Variants in MALRD1 observed in about 807,000 individuals in gnomAD.
The protein encoded by MALRD1 is MAM and LDL receptor class A domain containing 1.
Under a neutral mutation model 242.1 loss-of-function variants are expected in MALRD1, and 247 were observed. The observed-to-expected ratio is 1.02, with a 90% CI of 0.92 to 1.13. The LOEUF (loss-of-function observed/expected upper bound fraction) is 1.13. Among genes scored for constraint, MALRD1 ranks in the 50% most tolerant of loss-of-function variants. The pLI, the probability that MALRD1 is intolerant of heterozygous loss-of-function variation, is 0.00. For synonymous variants in MALRD1, 995 were observed against 866.6 expected, an observed-to-expected ratio of 1.15 and a Z score of -2.60; for missense variants, 2,989 against 2,533.1, an observed-to-expected ratio of 1.18 and a Z score of -3.86.
At chr10:19,277,866 TCTTTC>T (rs1169173465) in intron 19 of MALRD1, among the ~76,000 whole-genome samples, 3 of 152,174 alleles carry the variant, frequency 2.0e-5, no homozygotes, top group African/African-American at 4.8e-5. Flanking sequence ...AGATTTTTGC[TCTTTC>T]CTTTAAACCA....
At chr10:19,478,767 A>G (rs983057531) in intron 29 of MALRD1, among the ~76,000 whole-genome samples, 3 of 152,154 alleles carry the variant, frequency 2.0e-5, no homozygotes, top group Admixed American at 2.0e-4. Context: ...TTACTTTGTT[A>G]GCTGTGTTTA....
Position 19,498,656 on chromosome 10 carries a change from G to C in MALRD1, c.5320+10G>C. On this transcript the variant is annotated intron_variant, in intron 31 of 39. Transcript: ENST00000454679. ...TCTGATCACACGCCAGGTAAATCTA[G>C]TAGCCATCCCCAGACCAAGAAACCC... 1 of 1,545,874 alleles carries C rather than the reference G, an allele frequency of 6.5e-7. No individual in the cohort carries two copies. Among genetic ancestry groups the C allele is most frequent in the East Asian group, 2.5e-5 (1 of 40,782 alleles).
Position 19,088,138 on chromosome 10 carries a change from C to G in MALRD1, c.550C>G (p.Gln184Glu). The G allele has an allele frequency of 8.1e-7, 1 of 1,233,486 alleles. No individual in the cohort carries two copies. The highest frequency in any genetic ancestry group is 1.0e-6 in the Non-Finnish European group (1 of 987,858). The allele number at this position is 1,233,486 out of a possible 1,614,324, so 76.4% of individuals were successfully genotyped here. Residue 184 changes from glutamine to glutamate, a missense_variant, in exon 4 of 40, where the codon CAG becomes GAG. Transcript: ENST00000454679. The part of the protein sequence containing the change: ...LWQNTAALPN[Q>E]WERNVIKIQS... ...GCAAAACACAGCTGCACTCCCAAAT[C>G]AGTGGGAGAGAAATGTCATCAAAAT...
chr10:19,531,104 A>T (rs1834394069), intron 31 of MALRD1, 90 bp from the exon 32 acceptor site: 3 of 1,098,600 alleles, frequency 2.7e-6, no homozygotes, highest in East Asian at 5.3e-5. Context: ...ATGTATAAGG[A>T]TAAAAAGATA....
intron 32 of MALRD1, among the ~76,000 whole-genome samples, chr10:19,558,197 G>C (rs369288803): frequency 6.6e-6 from 1 of 151,994 alleles, no homozygotes; most frequent in Admixed American, 6.6e-5. Context: ...TCTATGAACA[G>C]TTTTATTTCT....
chr10:19,533,326 TA>T (rs1306654553), intron 32 of MALRD1, among the ~76,000 whole-genome samples: 7 of 152,190 alleles, frequency 4.6e-5, no homozygotes, highest in African/African-American at 1.7e-4. Context: ...AGGCAGCAGT[TA>T]AGTATAACGA....
At chr10:19,064,078 G>A (rs1834900691) in intron 1 of MALRD1, among the ~76,000 whole-genome samples, 3 of 152,124 alleles carry the variant, frequency 2.0e-5, no homozygotes, top group African/African-American at 7.2e-5. Flanking sequence ...CAACTCAGGA[G>A]ATAATTGCGG....
In MALRD1 at chr10:19,734,161, C is replaced by G; in HGVS notation, c.6395C>G (p.Ser2132Cys). Residue 2132 changes from serine to cysteine, a missense_variant, in exon 40 of 40, where the codon TCT becomes TGT. By Grantham distance (112) the Ser-to-Cys change is moderately radical. Coordinates refer to ENST00000454679, the MANE Select transcript of MALRD1 (RefSeq NM_001142308.3). ...AAATGTGTTTTTCTTCGTCAGAGTT[C>G]TGTCTATTCCTTCTCAAACCCATTA... ...NWSNPEKTESSVYSFSNPLYG... is the reference protein window; with the variant it reads ...NWSNPEKTESCVYSFSNPLYG... 5 of 1,532,124 alleles carry G rather than the reference C, an allele frequency of 3.3e-6. No homozygotes were observed. Among genetic ancestry groups the G allele is most frequent in the Non-Finnish European group, 4.4e-6 (5 of 1,145,504 alleles). The allele number at this position is 1,532,124 out of a possible 1,614,324, so 94.9% of individuals were successfully genotyped here.
intron 1 of MALRD1, among the ~76,000 whole-genome samples, chr10:19,064,597 GAAAAAATGT>G (rs1484882451): frequency 6.6e-6 from 1 of 151,062 alleles, no homozygotes; most frequent in Non-Finnish European, 1.5e-5. Context: ...CTATTTAGAT[GAAAAAATGT>G]TTTATTTAGC....
chr10:19,608,709 A>G, intron 35 of MALRD1, among the ~76,000 whole-genome samples: 1 of 152,230 alleles, frequency 6.6e-6, no homozygotes, highest in South Asian at 2.1e-4. Flanking sequence ...TATGAGATAT[A>G]TGTTGTAAGA....
At chr10:19,450,686 T>C (rs1349627689) in intron 29 of MALRD1, among the ~76,000 whole-genome samples, 196 bp downstream of exon 29, 2 of 152,226 alleles carry the variant, frequency 1.3e-5, no homozygotes, top group African/African-American at 2.4e-5. Flanking sequence ...TTTGGGCTGC[T>C]GTTACAAAAT....
intron 29 of MALRD1, among the ~76,000 whole-genome samples, chr10:19,463,766 C>T (rs1246628025): frequency 1.3e-5 from 2 of 152,078 alleles, no homozygotes; most frequent in Non-Finnish European, 2.9e-5. Context: ...GGTATTTCTA[C>T]TCTTGGTTCT....
intron 21 of MALRD1, among the ~76,000 whole-genome samples, chr10:19,298,251 A>T (rs144272237): frequency 4.5e-4 from 69 of 151,832 alleles, no homozygotes; most frequent in African/African-American, 1.6e-3. Flanking sequence ...CCCCACAAGA[A>T]TCAATCCAGT....
intron 33 of MALRD1, among the ~76,000 whole-genome samples, chr10:19,581,753 T>C (rs1837137815): frequency 6.6e-6 from 1 of 150,454 alleles, no homozygotes; most frequent in Non-Finnish European, 1.5e-5. Context: ...GATGGCTGGG[T>C]CAAATGGTAT....
intron 19 of MALRD1, among the ~76,000 whole-genome samples, chr10:19,277,596 A>G (rs1451366137): frequency 6.6e-6 from 1 of 152,212 alleles, no homozygotes; most frequent in Non-Finnish European, 1.5e-5. Flanking sequence ...ATAGTTTCAC[A>G]CAGGGTAGCC....
At chr10:19,539,852 TTGTGCG>T (rs1291400467) in intron 32 of MALRD1, among the ~76,000 whole-genome samples, 32 of 64,372 alleles carry the variant, frequency 5.0e-4, no homozygotes, top group Admixed American at 2.9e-3. Flanking sequence ...ACACCCAGCT[TTGTGCG>T]TGTGTGTGTG....
chr10:19,595,558 G>A (rs906908108), intron 34 of MALRD1, 101 bp downstream of exon 34: 41 of 1,283,436 alleles, frequency 3.2e-5, no homozygotes, highest in South Asian at 2.1e-4. Flanking sequence ...GAGCCTTACC[G>A]TGATTGTATC....
intron 24 of MALRD1, among the ~76,000 whole-genome samples, chr10:19,332,514 G>T (rs1298046376): frequency 6.6e-6 from 1 of 152,056 alleles, no homozygotes; most frequent in Non-Finnish European, 1.5e-5. Flanking sequence ...TCCAATTGTT[G>T]CTTCATTTAA....
chr10:19,313,973 A>G (rs977537050), intron 21 of MALRD1, among the ~76,000 whole-genome samples: 1 of 151,554 alleles, frequency 6.6e-6, no homozygotes, highest in African/African-American at 2.4e-5. Context: ...GAAATCTAAA[A>G]GCACTCTGAT....
Sources: allele counts gnomAD v4.1 joint callset (sites outside exome capture counted in the v4.1 genomes callset), GRCh38; gene constraint gnomAD v4.1.1; transcripts MANE v1.5; gene names NCBI Gene and HGNC (gene_info 2026-07-23, HGNC 2026-07-21).